Variants in STRIP1 observed in about 807,000 individuals in gnomAD.
STRIP1 encodes the protein striatin-interacting protein 1.
In STRIP1, 63 loss-of-function variants were observed where a neutral mutation model predicts 106.2. The ratio of observed to expected loss-of-function variants is 0.59; its 90% CI spans 0.48 to 0.73. The LOEUF (loss-of-function observed/expected upper bound fraction) is 0.73. STRIP1 is among the 30% of genes least tolerant of loss of function. The pLI, the probability that STRIP1 is intolerant of heterozygous loss-of-function variation, is 0.00. For synonymous variants in STRIP1, 390 were observed against 413.0 expected (o/e 0.94, Z 0.67); for missense variants, 857 against 1,074.8 (o/e 0.80, Z 2.83).
chr1:110,039,064 CTT>C, intron 3 of STRIP1, 106 bp from the exon 4 acceptor site: 5 of 1,305,306 alleles, frequency 3.8e-6, no homozygotes, highest in Non-Finnish European at 5.4e-6. Flanking sequence ...TAGGGTGTAA[CTT>C]ATCTTTCTGG....
intron 10 of STRIP1, 57 bp from the exon 11 acceptor site, chr1:110,044,783 T>C: frequency 6.4e-7 from 1 of 1,555,488 alleles, no homozygotes; most frequent in East Asian, 2.3e-5. Flanking sequence ...TGTAACACTT[T>C]GAAATAGCAT....
intron 17 of STRIP1, 94 bp from the exon 18 acceptor site, chr1:110,050,249 G>A: frequency 8.3e-7 from 1 of 1,210,116 alleles, no homozygotes; most frequent in South Asian, 1.3e-5. Context: ...CAACAAGTGA[G>A]GGAGGAAAGC....
intron 1 of STRIP1, among the ~76,000 whole-genome samples, chr1:110,037,199 C>T (rs1373035627): frequency 6.6e-6 from 1 of 152,164 alleles, no homozygotes; most frequent in Non-Finnish European, 1.5e-5. Context: ...GTAATTAAAC[C>T]TAAGGACTTT....
At chr1:110,049,283 G>A in intron 16 of STRIP1, 45 bp downstream of exon 16, 1 of 1,612,950 alleles carries the variant, frequency 6.2e-7, no homozygotes. Flanking sequence ...TGGGGCCTCG[G>A]GCACTGCTGC....
intron 12 of STRIP1, 180 bp downstream of exon 12, chr1:110,045,258 A>G (rs1307989646): frequency 1.7e-6 from 1 of 598,072 alleles, no homozygotes; most frequent in Non-Finnish European, 3.0e-6. Flanking sequence ...GTTTTATTAT[A>G]AGTTTTACTT....
chr1:110,046,774 G>T, intron 13 of STRIP1, 23 bp downstream of exon 13: 1 of 1,590,126 alleles, frequency 6.3e-7, no homozygotes. Flanking sequence ...TCCTCAGTCC[G>T]GGCGCGGTGG....
chr1:110,037,078 G>A (rs934926297), intron 1 of STRIP1, among the ~76,000 whole-genome samples: 5 of 152,054 alleles, frequency 3.3e-5, no homozygotes, highest in African/African-American at 1.2e-4. Flanking sequence ...CAAATGACCC[G>A]CCCACCTCGG....
intron 5 of STRIP1, 198 bp downstream of exon 5, chr1:110,039,713 T>C: frequency 2.0e-6 from 2 of 996,720 alleles, no homozygotes; most frequent in Non-Finnish European, 2.9e-6. Flanking sequence ...GACAGGTCCC[T>C]GCAGCTCCCT....
At chr1:110,033,853 G>A (rs1398438783), upstream of STRIP1, among the ~76,000 whole-genome samples, 3 of 152,252 alleles carry the variant, frequency 2.0e-5, no homozygotes, top group Non-Finnish European at 4.4e-5. Context: ...GGTCAGTTTA[G>A]CAAGAAACTT....
intron 18 of STRIP1, 37 bp downstream of exon 18, chr1:110,050,446 A>G: frequency 6.2e-7 from 1 of 1,602,550 alleles, no homozygotes; most frequent in Non-Finnish European, 8.5e-7. Flanking sequence ...TCCTTTTGGC[A>G]CCAGGGTCAG....
intron 12 of STRIP1, 198 bp downstream of exon 12, chr1:110,045,276 C>T: frequency 1.8e-6 from 1 of 570,916 alleles, no homozygotes; most frequent in African/African-American, 1.9e-5. Context: ...CTTGTTTTAG[C>T]TGAGCTTTTG....
intron 3 of STRIP1, among the ~76,000 whole-genome samples, 164 bp downstream of exon 3, chr1:110,038,921 A>G (rs997529371): frequency 6.6e-6 from 1 of 152,148 alleles, no homozygotes; most frequent in Non-Finnish European, 1.5e-5. Context: ...CTTGTGGCAC[A>G]TCGGTGGGGG....
At chr1:110,033,113 C>T (rs972505507), upstream of STRIP1, among the ~76,000 whole-genome samples, 2 of 152,208 alleles carry the variant, frequency 1.3e-5, no homozygotes, top group African/African-American at 4.8e-5. Context: ...CTTCCTGGAA[C>T]TTTGCAGGGC....
intron 12 of STRIP1, 43 bp downstream of exon 12, chr1:110,045,121 T>A (rs1051218607): frequency 1.3e-6 from 2 of 1,582,316 alleles, no homozygotes; most frequent in Non-Finnish European, 1.7e-6. Context: ...TGGTCCTAAG[T>A]GAGTAGAGTG....
chr1:110,044,779 A>G, intron 10 of STRIP1, 61 bp from the exon 11 acceptor site: 1 of 1,527,230 alleles, frequency 6.5e-7, no homozygotes, highest in Non-Finnish European at 9.1e-7. Flanking sequence ...TAACTGTAAC[A>G]CTTTGAAATA....
intron 5 of STRIP1, chr1:110,040,057 A>G: frequency 2.1e-6 from 1 of 481,822 alleles, no homozygotes. Context: ...CATGTTAAGG[A>G]TATAGGTACT....
upstream of STRIP1, among the ~76,000 whole-genome samples, chr1:110,032,801 T>A (rs12730786): frequency 2.6e-5 from 4 of 152,184 alleles, no homozygotes. Context: ...ATCTACATGG[T>A]CCCCTAACAT....
intron 5 of STRIP1, chr1:110,039,805 C>T (rs1652669241): frequency 1.3e-5 from 17 of 1,339,226 alleles, no homozygotes; most frequent in Non-Finnish European, 1.7e-5. Context: ...TCACTTTGAG[C>T]TCTCTTTTGA....
At chr1:110,043,955 C>A in intron 10 of STRIP1, 99 bp downstream of exon 10, 2 of 1,131,466 alleles carry the variant, frequency 1.8e-6, no homozygotes, top group South Asian at 1.3e-5. Flanking sequence ...TGGTCCTCTG[C>A]AGGGCAGGCT....
Sources: allele counts gnomAD v4.1 joint callset (sites outside exome capture counted in the v4.1 genomes callset), GRCh38; gene constraint gnomAD v4.1.1; transcripts MANE v1.5; gene names NCBI Gene and HGNC (gene_info 2026-07-23, HGNC 2026-07-21).